The following SEM1 variants were observed in gnomAD, a reference collection of about 807,000 sequenced individuals.
SEM1 encodes SEM1 26S proteasome subunit, also known as 26S proteasome complex subunit SEM1.
Under a neutral mutation model 12.7 loss-of-function variants are expected in SEM1, and 3 were observed. That is an observed-to-expected ratio of 0.24 (90% CI 0.11 to 0.61). The LOEUF (loss-of-function observed/expected upper bound fraction) is 0.61, where lower values mean the gene tolerates loss of function less well. Ranked by LOEUF, SEM1 falls within the 20% of genes least tolerant of loss-of-function variation. SEM1 has a pLI of 0.88. For synonymous variants in SEM1, 30 were observed against 27.8 expected, an observed-to-expected ratio of 1.08 and a Z score of -0.25; for missense variants, 59 against 81.3, an observed-to-expected ratio of 0.73 and a Z score of 1.06.
chr7:96,580,207 A>G (rs1806347562), intron 2 of SEM1, among the ~76,000 whole-genome samples: 1 of 145,866 alleles, frequency 6.9e-6, no homozygotes, highest in African/African-American at 2.5e-5. Context: ...CCTATGAGTG[A>G]GAATATGCGG....
At chr7:96,547,633 C>G (rs12539259) in intron 2 of SEM1, among the ~76,000 whole-genome samples, 86,537 of 151,964 alleles carry the variant, frequency 0.57, 26,682 homozygotes, top group Non-Finnish European at 0.69. Flanking sequence ...ATTTGGTTCT[C>G]TGATGCAGTG....
At chr7:96,636,250 T>C (rs1052965114) in intron 2 of SEM1, among the ~76,000 whole-genome samples, 1 of 151,954 alleles carries the variant, frequency 6.6e-6, no homozygotes, top group African/African-American at 2.4e-5. Context: ...AAGGCACCTA[T>C]GAGAAGTCAA....
chr7:96,659,838 C>A (rs1226647922), intron 2 of SEM1, among the ~76,000 whole-genome samples: 1 of 149,930 alleles, frequency 6.7e-6, no homozygotes. Flanking sequence ...TCCCACCAAG[C>A]CCCCCAAAAG....
At chr7:96,511,390 G>A (rs1346607803) in intron 2 of SEM1, among the ~76,000 whole-genome samples, 1 of 152,112 alleles carries the variant, frequency 6.6e-6, no homozygotes, top group Non-Finnish European at 1.5e-5. Flanking sequence ...GATTCCAAGA[G>A]AGAGATTCTT....
chr7:96,612,339 C>T (rs1020528683), intron 2 of SEM1, among the ~76,000 whole-genome samples: 1 of 152,214 alleles, frequency 6.6e-6, no homozygotes, highest in African/African-American at 2.4e-5. Context: ...GAATGGGCTG[C>T]TGTGACTTTC....
intron 2 of SEM1, among the ~76,000 whole-genome samples, chr7:96,556,078 G>C (rs1805486323): frequency 6.6e-6 from 1 of 151,922 alleles, no homozygotes; most frequent in African/African-American, 2.4e-5. Flanking sequence ...TTGAGCCTAT[G>C]GGTGTCGCTG....
chr7:96,620,152 T>C (rs1000088699), downstream of SEM1, among the ~76,000 whole-genome samples: 4 of 151,970 alleles, frequency 2.6e-5, no homozygotes, highest in Non-Finnish European at 5.9e-5. Flanking sequence ...AACCCAGCAT[T>C]AGACTCGAAA....
intron 1 of SEM1, 115 bp from the exon 2 acceptor site, chr7:96,695,006 ATCTATGAAAAATGGTATCTTCCT>A (rs1790044425): frequency 1.5e-6 from 1 of 656,744 alleles, no homozygotes; most frequent in Non-Finnish European, 2.6e-6. Context: ...CTAAAACCAT[ATCTATGAAAAATGGTATCTTCCT>A]TAAATCTGAG....
chr7:96,657,516 G>T (rs1330507890), intron 2 of SEM1, among the ~76,000 whole-genome samples: 3 of 152,122 alleles, frequency 2.0e-5, no homozygotes, highest in Non-Finnish European at 4.4e-5. Flanking sequence ...GACTACAAAG[G>T]TATTCTCAGC....
At chr7:96,643,266 T>C (rs1453874968) in intron 2 of SEM1, among the ~76,000 whole-genome samples, 1 of 152,158 alleles carries the variant, frequency 6.6e-6, no homozygotes. Flanking sequence ...TCCATGTTCC[T>C]GCAAAGGGCA....
chr7:96,495,880 A>C (rs1803223267), intron 1 of SEM1, among the ~76,000 whole-genome samples: 1 of 152,098 alleles, frequency 6.6e-6, no homozygotes, highest in Non-Finnish European at 1.5e-5. Context: ...GACCACACTC[A>C]GACCTGCAAC....
chr7:96,554,072 T>G (rs1805391151), intron 2 of SEM1, among the ~76,000 whole-genome samples: 1 of 151,736 alleles, frequency 6.6e-6, no homozygotes, highest in Non-Finnish European at 1.5e-5. Context: ...CTGAATTTGC[T>G]TATCAGCTTA....
chr7:96,577,239 G>T lies in SEM1; in HGVS notation c.171-70541C>A, dbSNP rs935539630. 6.4e-4 allele frequency among the ~76,000 whole-genome samples: 98 copies of T among 152,272 alleles called. 1 individual carries two copies. The highest frequency in any genetic ancestry group is 1.5e-4 in the Non-Finnish European group (10 of 68,016). On this transcript the variant is annotated intron_variant and NMD_transcript_variant, in intron 2 of 3. Coordinates refer to the SEM1 transcript ENST00000466986. ...AAACAAAGTACTGTCACTGGAAGCT[G>T]CTTTGAGAGCATCCAACATCTGCTG...
intron 2 of SEM1, among the ~76,000 whole-genome samples, chr7:96,660,664 C>T (rs1788972746): frequency 6.6e-6 from 1 of 152,058 alleles, no homozygotes; most frequent in South Asian, 2.1e-4. Flanking sequence ...GTGAAACCCA[C>T]ACAGTTTAAA....
intron 2 of SEM1, among the ~76,000 whole-genome samples, chr7:96,625,738 C>T (rs1341320249): frequency 6.6e-6 from 1 of 152,168 alleles, no homozygotes; most frequent in South Asian, 2.1e-4. Flanking sequence ...CTTTGATTTG[C>T]AGGAGTGTAG....
At chr7:96,517,137 T>C (rs1255484185) in intron 2 of SEM1, among the ~76,000 whole-genome samples, 4 of 152,182 alleles carry the variant, frequency 2.6e-5, no homozygotes, top group Non-Finnish European at 5.9e-5. Context: ...TCCATGATAC[T>C]GTAATGGTGG....
At chr7:96,552,816 A>G (rs1333867108) in intron 2 of SEM1, among the ~76,000 whole-genome samples, 2 of 151,530 alleles carry the variant, frequency 1.3e-5, no homozygotes, top group African/African-American at 2.4e-5. Context: ...CACCAACAGT[A>G]TAAAAGTGTT....
At chr7:96,616,741 G>C (rs1034887506) in intron 2 of SEM1, among the ~76,000 whole-genome samples, 1 of 151,972 alleles carries the variant, frequency 6.6e-6, no homozygotes, top group Non-Finnish European at 1.5e-5. Context: ...CAGAGGTATG[G>C]GTCCAGTTTC....
chr7:96,545,648 G>A (rs1805083230), intron 2 of SEM1, among the ~76,000 whole-genome samples: 1 of 151,906 alleles, frequency 6.6e-6, no homozygotes, highest in Non-Finnish European at 1.5e-5. Context: ...GAAAAATCTA[G>A]GTTTCTTAAA....
Sources: allele counts gnomAD v4.1 joint callset (sites outside exome capture counted in the v4.1 genomes callset), GRCh38; gene constraint gnomAD v4.1.1; transcripts MANE v1.5; gene names NCBI Gene and HGNC (gene_info 2026-07-23, HGNC 2026-07-21).